Variants in THSD7B observed in about 807,000 individuals in gnomAD.
THSD7B encodes the protein thrombospondin type 1 domain containing 7B, also known as thrombospondin type-1 domain-containing protein 7B.
Under a neutral mutation model 213.6 loss-of-function variants are expected in THSD7B, and 138 were observed. That is an observed-to-expected ratio of 0.65 (90% CI 0.56 to 0.74). The LOEUF is 0.74. Ranked by LOEUF, THSD7B falls within the 30% of genes least tolerant of loss-of-function variation. THSD7B has a pLI of 0.00. For missense variants in THSD7B, 1,931 were observed against 1,991.5 expected (o/e 0.97, Z 0.58); for synonymous variants, 742 against 687.0 (o/e 1.08, Z -1.25).
intron 1 of THSD7B, among the ~76,000 whole-genome samples, chr2:136,872,618 TTC>T (rs959956029): frequency 2.7e-4 from 41 of 151,408 alleles, no homozygotes; most frequent in South Asian, 6.3e-4. Flanking sequence ...TCTTTCTTCT[TTC>T]TCTTTCTTTT....
chr2:137,438,449 A>G (rs772247827), intron 14 of THSD7B, among the ~76,000 whole-genome samples: 2 of 152,138 alleles, frequency 1.3e-5, no homozygotes, highest in African/African-American at 2.4e-5. Context: ...TAGTATATAT[A>G]TTCAACTTTG....
In THSD7B at chr2:137,450,881, T is replaced by C. The variant is rs1461117926; in HGVS notation, c.2996T>C (p.Phe999Ser). Residue 999 changes from phenylalanine to serine, a missense_variant, in exon 15 of 28, where the codon TTT becomes TCT. By Grantham distance (155) the Phe-to-Ser change is radical (BLOSUM62 -2). Coordinates refer to ENST00000409968, the MANE Select transcript of THSD7B (RefSeq NM_001316349.2). The stretch of plus-strand genomic sequence containing the variant: ...GAAAAATGTGTCATTCCCTGCCCAT[T>C]TGATTGCAAGTTAAGCGATTGGTCT... ...IQEKCVIPCP[F>S]DCKLSDWSSW... 1.2e-6 allele frequency: 2 copies of C among 1,611,134 alleles called. No individual in the cohort carries two copies. Among genetic ancestry groups the C allele is most frequent in the South Asian group, 2.2e-5 (2 of 90,326 alleles).
chr2:137,101,314 T>C (rs1034559978), intron 4 of THSD7B, among the ~76,000 whole-genome samples: 3 of 152,168 alleles, frequency 2.0e-5, no homozygotes, highest in African/African-American at 7.2e-5. Flanking sequence ...AGTCCTGGGA[T>C]TACAGGCGTG....
chr2:136,870,158 C>T (rs1683409193), intron 1 of THSD7B, among the ~76,000 whole-genome samples: 1 of 151,466 alleles, frequency 6.6e-6, no homozygotes, highest in African/African-American at 2.4e-5. Context: ...GATATCATTA[C>T]CTGTGTGTTT....
rs1273270512 is a variant in THSD7B, at chr2:137,546,381, A to G, written c.3139-16840A>G. Among the ~76,000 whole-genome samples, 19 of 34,218 alleles carry G rather than the reference A, an allele frequency of 5.6e-4. 4 individuals are homozygous for G. Among genetic ancestry groups the G allele is most frequent in the African/African-American group, 3.0e-3 (18 of 6,072 alleles). The allele number at this position is 34,218 out of a possible 152,430, so 22.4% of individuals were successfully genotyped here. A position where few individuals can be genotyped will look rare whatever the true frequency, so the allele number is the denominator to read the frequency against. On this transcript the variant is annotated intron_variant, in intron 15 of 27. Transcript: ENST00000409968. Reference sequence around the variant, plus strand: ...TATATATTATATATATATATAATATATATATTATATATATTATATATATTA... The same window carrying G: ...TATATATTATATATATATATAATATGTATATTATATATATTATATATATTA...
rs758753015 is a variant in THSD7B at position 137,047,848 on chromosome 2, G to A, written c.140-8572G>A. On this transcript the variant is annotated intron_variant, in intron 2 of 27. Transcript: ENST00000409968. The stretch of plus-strand genomic sequence containing the variant: ...ACATGGTGAGAAAGGGAAGGGAGTG[G>A]AGTTTTGGAGTGTCTCAAGACTATA... Among the ~76,000 whole-genome samples the A allele has an allele frequency of 9.8e-5, 15 of 152,292 alleles. No homozygotes were observed. The South Asian group carries it at 1.0e-3, about 11-fold the overall frequency.
At position 137,233,275 on chromosome 2, in the gene THSD7B, T is replaced by C. The variant is rs1681684555; in HGVS notation, c.2150+142T>C. 1.4e-5 allele frequency: 10 copies of C among 732,476 alleles called. 1 individual carries two copies. The highest frequency in any genetic ancestry group is 3.9e-4 in the Middle Eastern group (1 of 2,590). 45.4% of individuals were successfully genotyped at this position (732,476 alleles called of 1,614,324 possible). A position where few individuals can be genotyped will look rare whatever the true frequency, so the allele number is the denominator to read the frequency against. ...GTTGTTGCTGTTTGACCATTAAAGATTAAAACATGTGCCTCAAACAAAGAT... is the reference window on the plus strand; with the variant it reads ...GTTGTTGCTGTTTGACCATTAAAGACTAAAACATGTGCCTCAAACAAAGAT... On this transcript the variant is annotated intron_variant, in intron 9 of 27. Coordinates refer to ENST00000409968, the MANE Select transcript of THSD7B (RefSeq NM_001316349.2).
At chr2:137,640,116 G>T (rs923307222) in intron 20 of THSD7B, among the ~76,000 whole-genome samples, 3 of 152,154 alleles carry the variant, frequency 2.0e-5, no homozygotes, top group Admixed American at 6.5e-5. Flanking sequence ...AACTTGAATT[G>T]TATCTCCAGA....
chr2:137,220,777 G>A (rs1490431951), intron 7 of THSD7B, among the ~76,000 whole-genome samples: 1 of 135,792 alleles, frequency 7.4e-6, no homozygotes, highest in Non-Finnish European at 1.6e-5. Context: ...CAACCCAAAA[G>A]TCTTTAAGCA....
At chr2:136,766,420 G>A (rs575095896) in intron 1 of THSD7B, among the ~76,000 whole-genome samples, 49 of 151,930 alleles carry the variant, frequency 3.2e-4, no homozygotes, top group Admixed American at 7.2e-4. Context: ...GGGAGGGGGG[G>A]ACAGGCATAT....
At position 137,056,837 on chromosome 2, in the gene THSD7B, T is replaced by C. The variant is rs1410981235; in HGVS notation, c.557T>C (p.Leu186Ser). The C allele has an allele frequency of 6.2e-7, 1 of 1,613,836 alleles. No homozygotes were observed. Among genetic ancestry groups the C allele is most frequent in the Non-Finnish European group, 8.5e-7 (1 of 1,179,884 alleles). ...CPRDCVVSEFLPWSNCSKGCG... is the reference protein window; with the variant it reads ...CPRDCVVSEFSPWSNCSKGCG... ...CGGGATTGTGTAGTATCTGAGTTCT[T>C]ACCATGGTCCAACTGTAGCAAGGGA... Residue 186 changes from leucine to serine, a missense_variant, in exon 3 of 28, where the codon TTA (leucine) becomes TCA (serine). Leu to Ser is a moderately radical substitution (Grantham distance 145). Transcript: ENST00000409968.
intron 25 of THSD7B, among the ~76,000 whole-genome samples, chr2:137,662,506 G>A (rs1173171005): frequency 6.6e-6 from 1 of 152,078 alleles, no homozygotes; most frequent in Admixed American, 6.5e-5. Flanking sequence ...ATTCCTGGTG[G>A]GGGACCCTTC....
At chr2:137,583,879 T>G (rs1001192726) in intron 17 of THSD7B, among the ~76,000 whole-genome samples, 1 of 152,194 alleles carries the variant, frequency 6.6e-6, no homozygotes, top group Admixed American at 6.5e-5. Context: ...GTGAAGAAAG[T>G]CATTGGTAGC....
intron 5 of THSD7B, among the ~76,000 whole-genome samples, chr2:137,132,901 CT>C (rs1373286803): frequency 6.6e-6 from 1 of 152,110 alleles, no homozygotes; most frequent in East Asian, 1.9e-4. Context: ...CCTACTTTTT[CT>C]ATAAAAGCCC....
chr2:137,081,587 A>G (rs73958329), intron 3 of THSD7B, among the ~76,000 whole-genome samples: 2,540 of 151,810 alleles, frequency 0.017, 66 homozygotes, highest in African/African-American at 0.058. Flanking sequence ...TTAATATTCT[A>G]TTTCTGATTC....
Position 137,318,179 on chromosome 2 carries a change from T to C in THSD7B, c.2500+42153T>C, listed in dbSNP as rs918035464. ...GGTTTTGATTTTGCTTCAAGCATGA[T>C]TAAATCTGGAGACTCAAATGATATC... On this transcript the variant is annotated intron_variant, in intron 12 of 27. Transcript: ENST00000409968. Among the ~76,000 whole-genome samples the C allele has an allele frequency of 1.4e-4, 21 of 152,306 alleles. 1 individual carries two copies. Among genetic ancestry groups the C allele is most frequent in the Admixed American group, 2.6e-4 (4 of 15,306 alleles).
chr2:137,447,063 A>C (rs1687555381), intron 14 of THSD7B, among the ~76,000 whole-genome samples: 1 of 152,206 alleles, frequency 6.6e-6, no homozygotes, highest in South Asian at 2.1e-4. Flanking sequence ...TTTGGGGTAT[A>C]CTCTGGCATG....
Position 137,396,308 on chromosome 2 carries a change from CA to C in THSD7B, c.2501-9302del, listed in dbSNP as rs931045262. On this transcript the variant is annotated intron_variant, in intron 12 of 27. Coordinates refer to ENST00000409968, the MANE Select transcript of THSD7B (RefSeq NM_001316349.2). ...TTTCTCTTGTGGGCATTTAGTGCTA[CA>C]AATTTCCCTCTACACACTGCTTTGA... is the stretch of plus-strand genomic sequence containing the variant. Among the ~76,000 whole-genome samples the C allele has an allele frequency of 6.7e-5, 8 of 119,956 alleles. 1 individual carries two copies. The highest frequency in any genetic ancestry group is 1.8e-4 in the African/African-American group (6 of 33,112). 78.7% of individuals were successfully genotyped at this position (119,956 alleles called of 152,430 possible).
At chr2:137,061,732 T>A (rs1015564426) in intron 3 of THSD7B, among the ~76,000 whole-genome samples, 11 of 151,862 alleles carry the variant, frequency 7.2e-5, no homozygotes, top group African/African-American at 2.7e-4. Flanking sequence ...CGACGTAAAT[T>A]CCTTTTACAT....
Sources: gnomAD v4.1 joint callset for allele counts (sites outside exome capture counted in the v4.1 genomes callset) on GRCh38, gnomAD v4.1.1 for gene constraint, MANE v1.5 for transcripts, NCBI Gene and HGNC (gene_info 2026-07-23, HGNC 2026-07-21) for gene names.